Variants in CDCA7L observed in about 807,000 individuals in gnomAD.
CDCA7L encodes the protein cell division cycle associated 7 like, also known as cell division cycle-associated 7-like protein.
A neutral mutation model predicts 57.4 loss-of-function variants in CDCA7L; 44 were observed. The observed-to-expected ratio is 0.77, with a 90% CI of 0.60 to 0.98. The LOEUF is 0.98. Among genes scored for constraint, CDCA7L ranks in the 50% least tolerant of loss-of-function variants. CDCA7L has a pLI of 0.00. For missense variants in CDCA7L, 644 were observed against 580.6 expected (o/e 1.11, Z -1.12); for synonymous variants, 236 against 202.8 (o/e 1.16, Z -1.39).
chr7:21,942,415 T>A (rs1786368294), intron 1 of CDCA7L, among the ~76,000 whole-genome samples: 1 of 152,230 alleles, frequency 6.6e-6, no homozygotes, highest in African/African-American at 2.4e-5. Context: ...GCCCCAGTAG[T>A]ATTTTCTTAT....
At chr7:21,933,242 G>A (rs1174164314) in intron 1 of CDCA7L, among the ~76,000 whole-genome samples, 1 of 152,180 alleles carries the variant, frequency 6.6e-6, no homozygotes, top group Non-Finnish European at 1.5e-5. Context: ...AGACAGTGTG[G>A]CGATTCCTCA....
At chr7:21,934,787 G>A (rs76480977) in intron 1 of CDCA7L, among the ~76,000 whole-genome samples, 2,622 of 152,206 alleles carry the variant, frequency 0.017, 32 homozygotes, top group Non-Finnish European at 0.027. Flanking sequence ...ACTAATATGA[G>A]ACAAAATAGT....
chr7:21,906,751 T>A, intron 4 of CDCA7L, 112 bp from the exon 5 acceptor site: 1 of 921,870 alleles, frequency 1.1e-6, no homozygotes, highest in Non-Finnish European at 1.7e-6. Flanking sequence ...CTAACTTGAA[T>A]AGTTTATATA....
At position 21,906,322 on chromosome 7, in the gene CDCA7L, C is replaced by A; in HGVS notation, c.888G>T (p.Glu296Asp). Residue 296 changes from glutamate to aspartate, a missense_variant, in exon 6 of 10, where the codon GAG becomes GAT. By Grantham distance (45) the Glu-to-Asp change is conservative. Coordinates refer to ENST00000406877, the MANE Select transcript of CDCA7L (RefSeq NM_018719.5). ...TCTTCCTTCTTCGGAAGCTGTAAAA[C>A]TCTTCCGCAAATTTAGCGGCTGAGA... Reference protein sequence around the residue: ...FTVSAAKFAEEFYSFRRRKTI... With the variant: ...FTVSAAKFAEDFYSFRRRKTI... The A allele has an allele frequency of 6.2e-7, 1 of 1,606,888 alleles. No homozygotes were observed. The highest frequency in any genetic ancestry group is 8.5e-7 in the Non-Finnish European group (1 of 1,177,584).
At chr7:21,902,849 T>G in intron 9 of CDCA7L, 129 bp downstream of exon 9, 1 of 769,688 alleles carries the variant, frequency 1.3e-6, no homozygotes, top group Non-Finnish European at 2.1e-6. Flanking sequence ...AGATACAGAA[T>G]GGATGGTACT....
chr7:21,916,643 T>G, intron 2 of CDCA7L, 111 bp downstream of exon 2: 1 of 988,568 alleles, frequency 1.0e-6, no homozygotes, highest in East Asian at 2.5e-5. Context: ...AATAAAATGC[T>G]AGACAATGAA....
intron 7 of CDCA7L, among the ~76,000 whole-genome samples, 170 bp from the exon 8 acceptor site, chr7:21,904,429 A>G (rs1301207621): frequency 6.6e-6 from 1 of 152,242 alleles, no homozygotes; most frequent in East Asian, 1.9e-4. Context: ...CGGGGTCCCC[A>G]GCCCCCAGGC....
At chr7:21,916,122 A>T (rs1785473581) in intron 2 of CDCA7L, among the ~76,000 whole-genome samples, 2 of 152,114 alleles carry the variant, frequency 1.3e-5, no homozygotes, top group Non-Finnish European at 2.9e-5. Context: ...GCCTTTTTGG[A>T]GAGGCCATGG....
intron 1 of CDCA7L, among the ~76,000 whole-genome samples, chr7:21,932,040 C>T (rs1786034710): frequency 6.6e-6 from 1 of 152,148 alleles, no homozygotes; most frequent in Admixed American, 6.5e-5. Context: ...CATGAGTGAA[C>T]TCTCATTTAC....
chr7:21,943,974 C>G (rs1786426046), intron 1 of CDCA7L, among the ~76,000 whole-genome samples: 1 of 152,204 alleles, frequency 6.6e-6, no homozygotes, highest in South Asian at 2.1e-4. Flanking sequence ...AACTCTCCAG[C>G]TTAACAACAG....
intron 9 of CDCA7L, 76 bp from the exon 10 acceptor site, chr7:21,902,428 A>AATCATCTAAGAGTACAAAGCCAGAACC: frequency 7.1e-7 from 1 of 1,401,246 alleles, no homozygotes; most frequent in Non-Finnish European, 1.0e-6. Context: ...GAGATTCCAC[A>AATCATCTAAGAGTACAAAGCCAGAACC]ATCATCTAAG....
chr7:21,923,133 G>A (rs941996812), intron 1 of CDCA7L, among the ~76,000 whole-genome samples: 3 of 152,120 alleles, frequency 2.0e-5, no homozygotes, highest in African/African-American at 7.2e-5. Flanking sequence ...GGCTAAGATA[G>A]GAGATTTTAT....
chr7:21,914,466 C>A (rs1429390594), intron 2 of CDCA7L, among the ~76,000 whole-genome samples: 1 of 152,086 alleles, frequency 6.6e-6, no homozygotes, highest in East Asian at 1.9e-4. Context: ...AAAGAAAATC[C>A]AGTAAGACTT....
intron 1 of CDCA7L, chr7:21,944,979 T>C (rs1312968250): frequency 6.6e-6 from 1 of 152,224 alleles, no homozygotes; most frequent in African/African-American, 2.4e-5. Flanking sequence ...TTAGTTCTTA[T>C]GAAAAATGTT....
intron 2 of CDCA7L, among the ~76,000 whole-genome samples, chr7:21,915,694 G>A (rs1395688214): frequency 6.6e-6 from 1 of 151,374 alleles, no homozygotes; most frequent in Non-Finnish European, 1.5e-5. Flanking sequence ...AGGCGTGGTG[G>A]TGGGAGCCTG....
intron 1 of CDCA7L, among the ~76,000 whole-genome samples, chr7:21,940,794 C>G (rs1185781421): frequency 1.3e-5 from 2 of 152,244 alleles, no homozygotes; most frequent in African/African-American, 4.8e-5. Context: ...CCCCATAGCC[C>G]TAATCTGCAG....
intron 4 of CDCA7L, 33 bp downstream of exon 4, chr7:21,908,097 C>A (rs771298338): frequency 6.7e-7 from 1 of 1,491,570 alleles, no homozygotes; most frequent in South Asian, 1.4e-5. Context: ...GAGCCTGGTG[C>A]CAACTCCCAG....
At position 21,904,102 on chromosome 7, in the gene CDCA7L, G is replaced by T. The variant is rs766867263; in HGVS notation, c.1197+8C>A. The T allele has an allele frequency of 3.8e-6, 6 of 1,587,228 alleles. No homozygotes were observed. Among genetic ancestry groups the T allele is most frequent in the Non-Finnish European group, 5.1e-6 (6 of 1,168,032 alleles). The stretch of plus-strand genomic sequence containing the variant: ...ACAATTTACAACAAATGCAAACACT[G>T]TTCCTACCGGGTCCAGCAATGCCGA... On this transcript the variant is annotated splice_region_variant and intron_variant, in intron 8 of 9. Coordinates refer to ENST00000406877, the MANE Select transcript of CDCA7L (RefSeq NM_018719.5).
At chr7:21,917,015 TC>T in intron 1 of CDCA7L, 121 bp from the exon 2 acceptor site, 1 of 1,118,662 alleles carries the variant, frequency 8.9e-7, no homozygotes, top group Non-Finnish European at 1.3e-6. Context: ...TGCCCAGAAG[TC>T]CCCAGTAACC....
Sources: allele counts gnomAD v4.1 joint callset (sites outside exome capture counted in the v4.1 genomes callset), GRCh38; gene constraint gnomAD v4.1.1; transcripts MANE v1.5; gene names NCBI Gene and HGNC (gene_info 2026-07-23, HGNC 2026-07-21).